Variants in TXNDC16 observed in about 807,000 individuals in gnomAD.
TXNDC16 encodes the protein thioredoxin domain-containing protein 16.
TXNDC16 carries 74 observed loss-of-function variants against 85.6 expected under a neutral mutation model. The observed-to-expected ratio is 0.86, with a 90% confidence interval of 0.72 to 1.05. The LOEUF (loss-of-function observed/expected upper bound fraction) is 1.05. TXNDC16 is among the 50% of genes least tolerant of loss of function. The pLI is 0.00. For synonymous variants in TXNDC16, 335 were observed against 326.5 expected (o/e 1.03, Z -0.28); for missense variants, 959 against 947.0 (o/e 1.01, Z -0.17).
intron 9 of TXNDC16, among the ~76,000 whole-genome samples, chr14:52,500,223 G>A (rs2036624536): frequency 6.6e-6 from 1 of 152,174 alleles, no homozygotes; most frequent in Non-Finnish European, 1.5e-5. Context: ...ATCAATGGAT[G>A]AATGGATAAA....
intron 14 of TXNDC16, among the ~76,000 whole-genome samples, chr14:52,475,350 G>A (rs770754063): frequency 1.2e-4 from 19 of 152,128 alleles, no homozygotes; most frequent in Non-Finnish European, 2.1e-4. Context: ...TGAATCCAGC[G>A]TGCAGACTCC....
At chr14:52,445,788 T>C (rs1235276168) in intron 18 of TXNDC16, among the ~76,000 whole-genome samples, 1 of 152,242 alleles carries the variant, frequency 6.6e-6, no homozygotes, top group Non-Finnish European at 1.5e-5. Flanking sequence ...AGCAATATGC[T>C]ATACCTTACA....
chr14:52,540,903 T>A (rs1457614694), intron 4 of TXNDC16, among the ~76,000 whole-genome samples: 1 of 152,162 alleles, frequency 6.6e-6, no homozygotes, highest in East Asian at 1.9e-4. Context: ...TTTGCCACTA[T>A]CTCCTTTCCA....
At chr14:52,481,915 C>T (rs1444658939) in intron 14 of TXNDC16, among the ~76,000 whole-genome samples, 1 of 152,082 alleles carries the variant, frequency 6.6e-6, no homozygotes. Context: ...ACTGGAGTAA[C>T]TGGCACAGAG....
intron 1 of TXNDC16, among the ~76,000 whole-genome samples, chr14:52,549,629 AT>A (rs748701260): frequency 0.052 from 6,868 of 132,926 alleles, 393 homozygotes; most frequent in African/African-American, 0.17. Context: ...AACAGTTCTG[AT>A]TTTTTTTTTT....
intron 12 of TXNDC16, among the ~76,000 whole-genome samples, chr14:52,486,408 C>A (rs1324206722): frequency 2.0e-5 from 3 of 151,966 alleles, no homozygotes; most frequent in South Asian, 4.2e-4. Context: ...CTCAGCCTCC[C>A]AAGGAGCTGG....
At chr14:52,535,362 C>T (rs767246675) in intron 6 of TXNDC16, among the ~76,000 whole-genome samples, 3 of 152,102 alleles carry the variant, frequency 2.0e-5, no homozygotes, top group Non-Finnish European at 4.4e-5. Context: ...TATCAGGGCC[C>T]ATGGTTGTCA....
At chr14:52,451,398 A>T (rs1270912401) in intron 18 of TXNDC16, among the ~76,000 whole-genome samples, 1 of 152,186 alleles carries the variant, frequency 6.6e-6, no homozygotes, top group Non-Finnish European at 1.5e-5. Flanking sequence ...ATATCAAGAA[A>T]ACAACAGGCC....
At position 52,432,410 on chromosome 14, in the gene TXNDC16, G is replaced by C; in HGVS notation, c.2372C>G (p.Pro791Arg). Residue 791 changes from proline (P) to arginine (R), a missense_variant, in exon 21 of 21, where the codon CCG becomes CGG. Coordinates refer to ENST00000281741, the MANE Select transcript of TXNDC16 (RefSeq NM_020784.3). ...HEDKSAVRKE[P>R]IETLRIKHWN... is the part of the protein sequence containing the mutation. ...ATGCTTTATTCTCAGAGTTTCAATC[G>C]GTTCTTTTCTGACTGCCGATTTATC... 6.2e-7 allele frequency: 1 copy of C among 1,613,778 alleles called. No homozygotes were observed. Among genetic ancestry groups the C allele is most frequent in the Non-Finnish European group, 8.5e-7 (1 of 1,179,888 alleles).
At chr14:52,518,072 T>C (rs1289046379) in intron 7 of TXNDC16, among the ~76,000 whole-genome samples, 1 of 152,188 alleles carries the variant, frequency 6.6e-6, no homozygotes, top group Non-Finnish European at 1.5e-5. Flanking sequence ...CTCTCTTCCT[T>C]AAAACTCTAT....
intron 8 of TXNDC16, among the ~76,000 whole-genome samples, chr14:52,513,286 T>C (rs1357540284): frequency 1.3e-5 from 2 of 152,138 alleles, no homozygotes; most frequent in African/African-American, 2.4e-5. Context: ...AAGCATTCAA[T>C]AAATATTTGC....
chr14:52,537,757 T>C (rs973562405), intron 4 of TXNDC16, 85 bp from the exon 5 acceptor site: 6 of 768,054 alleles, frequency 7.8e-6, no homozygotes, highest in Admixed American at 7.6e-5. Flanking sequence ...GAATTAAATA[T>C]TACAGTTTGT....
rs1180270215 is a variant in TXNDC16, at chr14:52,514,942, A to C, written c.543T>G (p.Phe181Leu). 4 of 1,612,844 alleles carry C rather than the reference A, an allele frequency of 2.5e-6. No individual in the cohort carries two copies. In the South Asian group the frequency reaches 4.4e-5, roughly 18 times the overall value. ...PEHRAVMEAA[F>L]VYGTTYQFVL... ...CAAATTGGTATGTAGTCCCATACAC[A>C]AAAGCGGCTTCCATGACTGCTCTGT... The change falls in exon 8 of 21, where the codon TTT becomes TTG. Residue 181 changes from phenylalanine (F) to leucine (L), a missense_variant. Coordinates refer to ENST00000281741, the MANE Select transcript of TXNDC16 (RefSeq NM_020784.3).
Position 52,543,387 on chromosome 14 carries a change from A to G in TXNDC16, c.160+11T>C, listed in dbSNP as rs1342664050. 1 of 1,593,920 alleles carries G rather than the reference A, an allele frequency of 6.3e-7. No individual in the cohort carries two copies. On this transcript the variant is annotated intron_variant, in intron 3 of 20. Transcript: ENST00000281741. ...TCACAAGAATCATATTAGAATTTTA[A>G]AAATACTTACCAGCTTGACAAAAAT... is the stretch of plus-strand genomic sequence containing the variant.
At chr14:52,483,545 A>G (rs2036197742) in intron 12 of TXNDC16, among the ~76,000 whole-genome samples, 1 of 152,198 alleles carries the variant, frequency 6.6e-6, no homozygotes, top group Non-Finnish European at 1.5e-5. Context: ...GAGCACATAC[A>G]AGGCTGAGGG....
intron 18 of TXNDC16, among the ~76,000 whole-genome samples, chr14:52,447,879 C>T (rs115283356): frequency 0.013 from 2,019 of 151,582 alleles, 44 homozygotes; most frequent in African/African-American, 0.046. Flanking sequence ...TTCTGGAGCT[C>T]AAAAATGCAA....
intron 14 of TXNDC16, among the ~76,000 whole-genome samples, chr14:52,474,555 C>A (rs763853774): frequency 6.6e-6 from 1 of 152,052 alleles, no homozygotes; most frequent in African/African-American, 2.4e-5. Flanking sequence ...CCAGCCTGGA[C>A]GCTGTCTCTA....
In TXNDC16 at chr14:52,432,377, C is replaced by G; in HGVS notation, c.2405G>C (p.Arg802Thr). The change falls in exon 21 of 21, where the codon AGA (arginine) becomes ACA (threonine). Residue 802 changes from arginine (R) to threonine (T), a missense_variant. Coordinates refer to ENST00000281741, the MANE Select transcript of TXNDC16 (RefSeq NM_020784.3). ...IETLRIKHWN[R>T]SNWFKEAEKS... ...TTCTGCTTCTTTAAACCAATTACTT[C>G]TATTCCAATGCTTTATTCTCAGAGT... 1 of 1,613,954 alleles carries G rather than the reference C, an allele frequency of 6.2e-7. No individual in the cohort carries two copies. The highest frequency in any genetic ancestry group is 8.5e-7 in the Non-Finnish European group (1 of 1,179,932).
chr14:52,538,628 T>G (rs1030304580), intron 4 of TXNDC16, among the ~76,000 whole-genome samples: 5 of 151,842 alleles, frequency 3.3e-5, no homozygotes, highest in African/African-American at 1.2e-4. Context: ...CAGATTGAGA[T>G]AGAGGAAGAG....
Sources: allele counts gnomAD v4.1 joint callset (sites outside exome capture counted in the v4.1 genomes callset), GRCh38; gene constraint gnomAD v4.1.1; transcripts MANE v1.5; gene names NCBI Gene and HGNC (gene_info 2026-07-23, HGNC 2026-07-21).